PDE3B: variants seen among roughly 807,000 people sequenced by gnomAD.
The protein encoded by PDE3B is cGMP-inhibited 3',5'-cyclic phosphodiesterase 3B.
Under a neutral mutation model 116.8 loss-of-function variants are expected in PDE3B, and 66 were observed. That is an observed-to-expected ratio of 0.56 (90% CI 0.46 to 0.69). The LOEUF (loss-of-function observed/expected upper bound fraction) is 0.69, where lower values mean the gene tolerates loss of function less well. Ranked by LOEUF, PDE3B falls within the 30% of genes least tolerant of loss-of-function variation. The pLI is 0.00. For missense variants in PDE3B, 1,384 were observed against 1,368.1 expected, an observed-to-expected ratio of 1.01 and a Z score of -0.18; for synonymous variants, 595 against 533.6, an observed-to-expected ratio of 1.12 and a Z score of -1.59.
chr11:14,890,579 C>G, the PDE3B span: 1 of 267,054 alleles, frequency 3.7e-6, no homozygotes, highest in Non-Finnish European at 4.9e-6. Flanking sequence ...CGGAGTCTGG[C>G]TCTGTTGCCC....
intron 5 of PDE3B, among the ~76,000 whole-genome samples, chr11:14,806,962 G>T (rs1401656779): frequency 6.6e-6 from 1 of 151,998 alleles, no homozygotes; most frequent in African/African-American, 2.4e-5. Context: ...CCTTTGCAGG[G>T]ACGTGGATGA....
At chr11:14,731,384 G>A (rs1002172239) in intron 1 of PDE3B, among the ~76,000 whole-genome samples, 7 of 150,946 alleles carry the variant, frequency 4.6e-5, no homozygotes, top group East Asian at 2.0e-4. Context: ...TCAGCCTCCC[G>A]AGTAGCTGGG....
At chr11:14,665,894 G>A (rs996790034) in intron 1 of PDE3B, among the ~76,000 whole-genome samples, 2 of 152,204 alleles carry the variant, frequency 1.3e-5, no homozygotes, top group East Asian at 1.9e-4. Context: ...TCCCCATCAA[G>A]CTACCAATGA....
intron 7 of PDE3B, among the ~76,000 whole-genome samples, chr11:14,829,290 C>T (rs532483826): frequency 7.9e-5 from 12 of 151,984 alleles, no homozygotes; most frequent in African/African-American, 9.6e-5. Flanking sequence ...TGCACTTGTA[C>T]CACTAAACTT....
At chr11:14,661,471 A>T (rs1853905980) in intron 1 of PDE3B, among the ~76,000 whole-genome samples, 4 of 152,202 alleles carry the variant, frequency 2.6e-5, no homozygotes, top group Admixed American at 2.6e-4. Flanking sequence ...CAGTGGGTGC[A>T]GCGCACCGTG....
intron 14 of PDE3B, among the ~76,000 whole-genome samples, chr11:14,862,839 T>G (rs1191468454): frequency 2.0e-5 from 3 of 152,182 alleles, no homozygotes; most frequent in African/African-American, 7.2e-5. Context: ...CCCAAAGTGT[T>G]GGGATTACAG....
In PDE3B at chr11:14,745,105, G is replaced by A. The variant is rs7109801; in HGVS notation, c.979-26832G>A. 1.4e-3 allele frequency among the ~76,000 whole-genome samples: 216 copies of A among 152,254 alleles called. 1 individual carries two copies. Among genetic ancestry groups the A allele is most frequent in the African/African-American group, 4.9e-3 (204 of 41,568 alleles). ...CTCCCAAAGCACTGGGATTATAGGC[G>A]TGAGCCACTGCACCAGCCGAAGGTA... On this transcript the variant is annotated intron_variant, in intron 1 of 15. Transcript: ENST00000282096.
intron 1 of PDE3B, among the ~76,000 whole-genome samples, chr11:14,769,444 T>G (rs1289499525): frequency 1.3e-5 from 2 of 150,974 alleles, no homozygotes; most frequent in African/African-American, 2.4e-5. Flanking sequence ...TTAGCAGCCT[T>G]CCTTCTGCAT....
chr11:14,673,691 C>A, intron 1 of PDE3B: 1 of 738,150 alleles, frequency 1.4e-6, no homozygotes, highest in Admixed American at 1.7e-5. Flanking sequence ...GAAGATAATT[C>A]AGTAATTAAG....
intron 1 of PDE3B, among the ~76,000 whole-genome samples, chr11:14,680,188 G>T (rs1329179291): frequency 2.0e-5 from 3 of 152,208 alleles, no homozygotes; most frequent in African/African-American, 4.8e-5. Flanking sequence ...ACCCTTGGCA[G>T]AGGTCCTAAG....
rs528940928 is a variant in PDE3B, at chr11:14,784,737, A to G, written c.1030-1700A>G. Among the ~76,000 whole-genome samples, 39 of 152,252 alleles carry G rather than the reference A, an allele frequency of 2.6e-4. No individual in the cohort carries two copies. The South Asian group carries it at 7.7e-3, about 30-fold the overall frequency. On this transcript the variant is annotated intron_variant, in intron 2 of 15. Transcript: ENST00000282096. Reference sequence around the variant, plus strand: ...AAGAAAAGTAAAAATTGACCATGAAAAAAAGATTTGTCTATGAAAATGATT... The same window carrying G: ...AAGAAAAGTAAAAATTGACCATGAAGAAAAGATTTGTCTATGAAAATGATT...
chr11:14,681,522 A>G (rs776344169), intron 1 of PDE3B, among the ~76,000 whole-genome samples: 4 of 151,974 alleles, frequency 2.6e-5, no homozygotes, highest in Admixed American at 6.6e-5. Flanking sequence ...AGTCAATTAA[A>G]CCTCTTTCCT....
chr11:14,644,357 G>A lies in PDE3B; in HGVS notation c.282G>A (p.Leu94=), dbSNP rs578201504. The part of the protein sequence containing the change: ...ALAAFVLALL[L]GAEPESWAAG... ...CTGCCTTTGTCCTCGCCCTGCTGCT[G>A]GGCGCGGAACCCGAGAGCTGGGCTG... Residue 94 remains leucine (L), a synonymous_variant, in exon 1 of 16, where the codon CTG becomes CTA. Transcript: ENST00000282096. 16 of 1,593,310 alleles carry A rather than the reference G, an allele frequency of 1.0e-5. No individual in the cohort carries two copies. In the South Asian group the frequency reaches 1.5e-4, roughly 15 times the overall value.
chr11:14,725,584 TC>T (rs1188688555), intron 1 of PDE3B, among the ~76,000 whole-genome samples: 3 of 75,774 alleles, frequency 4.0e-5, no homozygotes, highest in Admixed American at 1.4e-4. Flanking sequence ...TCTCCCTCCC[TC>T]CCCCTTCCCT....
downstream of PDE3B, chr11:14,872,116 C>T (rs1401557553): frequency 2.0e-5 from 3 of 151,554 alleles, no homozygotes; most frequent in Non-Finnish European, 4.4e-5. Flanking sequence ...GCTTTTTCTA[C>T]TTATTTTTAC....
At chr11:14,745,546 T>G (rs920333833) in intron 1 of PDE3B, among the ~76,000 whole-genome samples, 2 of 152,226 alleles carry the variant, frequency 1.3e-5, no homozygotes, top group Non-Finnish European at 2.9e-5. Context: ...CTTTTAGAAG[T>G]ATTGATTTCT....
chr11:14,857,943 T>C lies in PDE3B; in HGVS notation c.2521-1100T>C, dbSNP rs77279449. Among the ~76,000 whole-genome samples, 284 of 152,120 alleles carry C rather than the reference T, an allele frequency of 1.9e-3. 1 individual carries two copies. The highest frequency in any genetic ancestry group is 6.6e-3 in the African/African-American group (275 of 41,572). ...TAGGGAGTTTTCGAAGCTTACTCTT[T>C]CTGTTTGGTATTTATAATGTTTAGA... On this transcript the variant is annotated intron_variant, in intron 12 of 15. Transcript: ENST00000282096.
the PDE3B span, among the ~76,000 whole-genome samples, chr11:14,889,989 C>G: frequency 6.6e-6 from 1 of 151,922 alleles, no homozygotes; most frequent in Non-Finnish European, 1.5e-5. Flanking sequence ...ATTAGCCGGG[C>G]GTGGTGGCGA....
intron 2 of PDE3B, among the ~76,000 whole-genome samples, chr11:14,785,834 T>A (rs1858172633): frequency 6.6e-6 from 1 of 152,090 alleles, no homozygotes; most frequent in South Asian, 2.1e-4. Context: ...TTTCTTTATT[T>A]TTATCTCATC....
Sources: allele counts gnomAD v4.1 joint callset (sites outside exome capture counted in the v4.1 genomes callset), GRCh38; gene constraint gnomAD v4.1.1; transcripts MANE v1.5; gene names NCBI Gene and HGNC (gene_info 2026-07-23, HGNC 2026-07-21).